Variants in CAPN13 observed in about 807,000 individuals in gnomAD.
The protein encoded by CAPN13 is calpain 13.
In CAPN13, 90 loss-of-function variants were observed where a neutral mutation model predicts 98.4. The ratio of observed to expected loss-of-function variants is 0.92; its 90% confidence interval spans 0.77 to 1.09. The LOEUF is 1.09. Ranked by LOEUF, CAPN13 falls within the 50% of genes least tolerant of loss-of-function variation. The probability of loss-of-function intolerance (pLI) is 0.00; values close to 1 mark genes in which losing one functional copy is unlikely to be tolerated. For synonymous variants in CAPN13, 330 were observed against 305.5 expected (o/e 1.08, Z -0.84); for missense variants, 887 against 841.3 (o/e 1.05, Z -0.67).
At chr2:30,723,985 A>T (rs1177547611) in intron 22 of CAPN13, among the ~76,000 whole-genome samples, 2 of 152,120 alleles carry the variant, frequency 1.3e-5, no homozygotes, top group Non-Finnish European at 2.9e-5. Context: ...CTTTCTTCTG[A>T]TGTTTACCTC....
chr2:30,798,508 G>A (rs1052809892), intron 1 of CAPN13, among the ~76,000 whole-genome samples: 3 of 152,212 alleles, frequency 2.0e-5, no homozygotes, highest in African/African-American at 4.8e-5. Context: ...GTGACAGGTT[G>A]CTCTGGTGTC....
Position 30,743,412 on chromosome 2 carries a change from T to C in CAPN13, c.1416A>G (p.Arg472=), listed in dbSNP as rs1671752247. ...TRRKSAEFLL[R]IFLKMPDSDR... ...CACTGTCTGGCATTTTCAGGAAGAT[T>C]CGGAGCAAGAACTCCGCTGATTTTC... Residue 472 remains arginine, a synonymous_variant, in exon 13 of 23, where the codon CGA becomes CGG. Transcript: ENST00000295055. 22 of 1,613,868 alleles carry C rather than the reference T, an allele frequency of 1.4e-5. No homozygotes were observed. The highest frequency in any genetic ancestry group is 1.9e-5 in the Non-Finnish European group (22 of 1,179,852).
chr2:30,793,653 G>C (rs1674712852), intron 1 of CAPN13, among the ~76,000 whole-genome samples: 2 of 151,492 alleles, frequency 1.3e-5, no homozygotes, highest in South Asian at 4.1e-4. Flanking sequence ...TTTATAAAAA[G>C]AAGAAAAAAC....
intron 4 of CAPN13, among the ~76,000 whole-genome samples, chr2:30,773,763 C>G (rs1453226480): frequency 6.6e-6 from 1 of 152,158 alleles, no homozygotes; most frequent in Non-Finnish European, 1.5e-5. Flanking sequence ...AGGAACTTCT[C>G]CTCTTTATGA....
At chr2:30,754,496 G>A (rs961370714) in intron 8 of CAPN13, 132 bp from the exon 9 acceptor site, 13 of 609,496 alleles carry the variant, frequency 2.1e-5, no homozygotes, top group Non-Finnish European at 2.9e-5. Context: ...ATCCTACCTA[G>A]GACAGGACCC....
At chr2:30,765,265 G>C (rs1197121839) in intron 5 of CAPN13, among the ~76,000 whole-genome samples, 1 of 152,194 alleles carries the variant, frequency 6.6e-6, no homozygotes, top group African/African-American at 2.4e-5. Flanking sequence ...TTGAAATTTA[G>C]GCAGGGCAAG....
At chr2:30,793,840 C>A (rs1674722451) in intron 1 of CAPN13, among the ~76,000 whole-genome samples, 1 of 151,178 alleles carries the variant, frequency 6.6e-6, no homozygotes, top group South Asian at 2.1e-4. Flanking sequence ...AAAGTCTTTC[C>A]AAAAAAATGG....
chr2:30,798,879 G>T (rs1266624365), intron 1 of CAPN13, among the ~76,000 whole-genome samples: 1 of 152,130 alleles, frequency 6.6e-6, no homozygotes, highest in African/African-American at 2.4e-5. Flanking sequence ...TCTCTCTGCT[G>T]ACAAGGAACA....
At chr2:30,774,307 T>C (rs943855662) in intron 4 of CAPN13, among the ~76,000 whole-genome samples, 1 of 151,882 alleles carries the variant, frequency 6.6e-6, no homozygotes, top group Non-Finnish European at 1.5e-5. Context: ...TAATTAGTTA[T>C]ATAGTAAACA....
chr2:30,761,842 A>G (rs1175355885), intron 7 of CAPN13, among the ~76,000 whole-genome samples: 1 of 152,198 alleles, frequency 6.6e-6, no homozygotes, highest in African/African-American at 2.4e-5. Flanking sequence ...AGGTCCATGG[A>G]CAAGAGAGAC....
chr2:30,761,664 G>C (rs1445944412), intron 7 of CAPN13, among the ~76,000 whole-genome samples: 1 of 152,174 alleles, frequency 6.6e-6, no homozygotes, highest in African/African-American at 2.4e-5. Context: ...GCCCCAAACA[G>C]GTATTACTAA....
intron 1 of CAPN13, among the ~76,000 whole-genome samples, chr2:30,787,730 A>G (rs1425727518): frequency 3.3e-5 from 5 of 152,168 alleles, no homozygotes; most frequent in Admixed American, 2.0e-4. Context: ...TGCATTGGAA[A>G]GGTCACGGGG....
At chr2:30,778,098 C>T (rs757790105) in intron 2 of CAPN13, among the ~76,000 whole-genome samples, 15 of 152,148 alleles carry the variant, frequency 9.9e-5, no homozygotes, top group Non-Finnish European at 1.9e-4. Flanking sequence ...TTTTGGACTA[C>T]AGGTTTAAGT....
chr2:30,764,107 G>A (rs1385080637), intron 6 of CAPN13, 25 bp downstream of exon 6: 3 of 1,549,464 alleles, frequency 1.9e-6, no homozygotes, highest in Non-Finnish European at 1.7e-6. Context: ...TTGAACTGGT[G>A]CAAAAGGGCT....
At chr2:30,752,236 T>C (rs1572816890) in intron 10 of CAPN13, among the ~76,000 whole-genome samples, 1 of 152,168 alleles carries the variant, frequency 6.6e-6, no homozygotes, top group Admixed American at 6.5e-5. Flanking sequence ...GACAGGCAGG[T>C]GCCCAGAGGA....
intron 1 of CAPN13, among the ~76,000 whole-genome samples, chr2:30,797,110 G>C (rs540567677): frequency 6.6e-6 from 1 of 152,258 alleles, no homozygotes; most frequent in Admixed American, 6.5e-5. Flanking sequence ...CCCCTTCCTG[G>C]TCAGAGATCT....
intron 15 of CAPN13, among the ~76,000 whole-genome samples, chr2:30,739,034 G>A (rs574803363): frequency 7.9e-5 from 12 of 152,240 alleles, no homozygotes; most frequent in East Asian, 3.9e-4. Flanking sequence ...GGTTTTCTTC[G>A]GATTAAGAGC....
At chr2:30,802,549 G>GTT (rs968631655) in intron 1 of CAPN13, among the ~76,000 whole-genome samples, 2 of 150,314 alleles carry the variant, frequency 1.3e-5, no homozygotes, top group Non-Finnish European at 3.0e-5. Flanking sequence ...GGCTGGGGGG[G>GTT]GGGGGTGGTG....
chr2:30,766,210 A>C (rs1329801883), intron 5 of CAPN13, among the ~76,000 whole-genome samples: 5 of 152,248 alleles, frequency 3.3e-5, no homozygotes, highest in African/African-American at 1.2e-4. Flanking sequence ...GCTAAAGAAC[A>C]GCACTCCAGA....
Sources: allele counts gnomAD v4.1 joint callset (sites outside exome capture counted in the v4.1 genomes callset), GRCh38; gene constraint gnomAD v4.1.1; transcripts MANE v1.5; gene names NCBI Gene and HGNC (gene_info 2026-07-23, HGNC 2026-07-21).